The following TMTC2 variants were observed in gnomAD, a reference collection of about 807,000 sequenced individuals.
TMTC2 encodes transmembrane O-mannosyltransferase targeting cadherins 2.
A neutral mutation model predicts 82.4 loss-of-function variants in TMTC2; 43 were observed. The ratio of observed to expected loss-of-function variants is 0.52; its 90% CI spans 0.41 to 0.67. TMTC2 has a LOEUF of 0.67. Among genes scored for constraint, TMTC2 ranks in the 30% least tolerant of loss-of-function variants. TMTC2 has a pLI of 0.00. For missense variants in TMTC2, 919 were observed against 1,012.4 expected (o/e 0.91, Z 1.25); for synonymous variants, 408 against 381.9 (o/e 1.07, Z -0.80).
At chr12:82,911,181 G>A (rs1565805920) in intron 3 of TMTC2, among the ~76,000 whole-genome samples, 2 of 151,934 alleles carry the variant, frequency 1.3e-5, no homozygotes. Flanking sequence ...CGCCCGGCGG[G>A]TCTCGGGTTT....
intron 3 of TMTC2, among the ~76,000 whole-genome samples, chr12:82,923,621 T>A (rs1875520403): frequency 6.6e-6 from 1 of 152,212 alleles, no homozygotes. Flanking sequence ...CACATTTAAC[T>A]TTTTAAGCTA....
At chr12:82,737,130 G>A (rs1022273343) in intron 1 of TMTC2, among the ~76,000 whole-genome samples, 1 of 152,128 alleles carries the variant, frequency 6.6e-6, no homozygotes, top group Non-Finnish European at 1.5e-5. Flanking sequence ...CATTAAATGA[G>A]CAATGCCATG....
chr12:82,834,204 T>C (rs531788422), intron 1 of TMTC2, among the ~76,000 whole-genome samples: 1 of 152,314 alleles, frequency 6.6e-6, no homozygotes, highest in East Asian at 1.9e-4. Flanking sequence ...AGTAATACAA[T>C]TGTTACATGA....
intron 1 of TMTC2, among the ~76,000 whole-genome samples, chr12:82,690,991 G>A (rs190983296): frequency 6.6e-6 from 1 of 152,174 alleles, no homozygotes; most frequent in East Asian, 1.9e-4. Flanking sequence ...CACCATGAGA[G>A]GAGTCAGTTT....
intron 11 of TMTC2, among the ~76,000 whole-genome samples, chr12:83,105,163 G>A (rs796921713): frequency 2.6e-5 from 4 of 152,270 alleles, no homozygotes; most frequent in African/African-American, 9.6e-5. Flanking sequence ...ATTACCATCA[G>A]CACTTTGGTC....
At chr12:82,847,783 G>A (rs952604001) in intron 1 of TMTC2, among the ~76,000 whole-genome samples, 1 of 151,768 alleles carries the variant, frequency 6.6e-6, no homozygotes, top group African/African-American at 2.4e-5. Flanking sequence ...CATTACACAC[G>A]GGGGCCTGTC....
intron 9 of TMTC2, among the ~76,000 whole-genome samples, chr12:83,032,378 G>T (rs1010548814): frequency 1.4e-5 from 2 of 148,102 alleles, no homozygotes; most frequent in East Asian, 3.9e-4. Context: ...TTTAAAAGTT[G>T]GCCCCCTTAT....
At chr12:83,094,779 C>T (rs139022229) in intron 11 of TMTC2, among the ~76,000 whole-genome samples, 7 of 152,182 alleles carry the variant, frequency 4.6e-5, no homozygotes, top group South Asian at 2.1e-4. Context: ...CTAGCTTAGG[C>T]GACTAAGTAG....
At chr12:82,899,617 TAA>T (rs1305687275) in intron 3 of TMTC2, among the ~76,000 whole-genome samples, 1 of 132,020 alleles carries the variant, frequency 7.6e-6, no homozygotes, top group Non-Finnish European at 1.5e-5. Flanking sequence ...TATATATATA[TAA>T]GAATATATAT....
chr12:82,863,697 A>G (rs1459320622), intron 2 of TMTC2, among the ~76,000 whole-genome samples: 1 of 152,182 alleles, frequency 6.6e-6, no homozygotes, highest in Non-Finnish European at 1.5e-5. Flanking sequence ...TAATGCCTGC[A>G]TTACACTGTT....
intron 1 of TMTC2, among the ~76,000 whole-genome samples, chr12:82,700,762 T>A (rs902353690): frequency 6.6e-6 from 1 of 152,208 alleles, no homozygotes; most frequent in Non-Finnish European, 1.5e-5. Context: ...ATATAGTATC[T>A]AGGAGTATGT....
intron 3 of TMTC2, among the ~76,000 whole-genome samples, chr12:82,899,434 A>G (rs1335986746): frequency 6.6e-6 from 1 of 151,562 alleles, no homozygotes; most frequent in African/African-American, 2.4e-5. Flanking sequence ...TTGTAAAAAT[A>G]CATCCAGAGC....
intron 6 of TMTC2, chr12:82,965,948 A>T: frequency 1.7e-6 from 1 of 571,966 alleles, no homozygotes; most frequent in African/African-American, 1.9e-5. Context: ...GCTTCTGCTA[A>T]ATAAAAATTT....
chr12:82,689,522 G>C (rs1872487523), intron 1 of TMTC2, among the ~76,000 whole-genome samples: 1 of 152,190 alleles, frequency 6.6e-6, no homozygotes, highest in African/African-American at 2.4e-5. Flanking sequence ...GTATGCCCTT[G>C]TTCATTGCTG....
At chr12:82,766,104 G>A (rs1280824663) in intron 1 of TMTC2, among the ~76,000 whole-genome samples, 1 of 152,156 alleles carries the variant, frequency 6.6e-6, no homozygotes, top group Non-Finnish European at 1.5e-5. Context: ...GGATCCTAAA[G>A]GCTTGGAAGT....
At chr12:82,907,647 A>G (rs1234385739) in intron 3 of TMTC2, among the ~76,000 whole-genome samples, 3 of 152,146 alleles carry the variant, frequency 2.0e-5, no homozygotes, top group Admixed American at 6.6e-5. Context: ...GACTCTTAAA[A>G]TTACCCACAA....
At chr12:83,086,980 C>G (rs1299135144) in intron 11 of TMTC2, among the ~76,000 whole-genome samples, 1 of 152,170 alleles carries the variant, frequency 6.6e-6, no homozygotes, top group Non-Finnish European at 1.5e-5. Flanking sequence ...CTTCCTTTCA[C>G]AAAAGATTTC....
intron 9 of TMTC2, among the ~76,000 whole-genome samples, chr12:83,040,525 CAGTG>C: frequency 6.6e-6 from 1 of 152,188 alleles, no homozygotes; most frequent in African/African-American, 2.4e-5. Flanking sequence ...TCTAATAACT[CAGTG>C]AGATTGTACA....
chr12:82,692,066 G>T (rs1160860763), intron 1 of TMTC2, among the ~76,000 whole-genome samples: 1 of 152,106 alleles, frequency 6.6e-6, no homozygotes, highest in Non-Finnish European at 1.5e-5. Context: ...ATTAAAATTA[G>T]GTGAAGTCAG....
Sources: allele counts gnomAD v4.1 joint callset (sites outside exome capture counted in the v4.1 genomes callset), GRCh38; gene constraint gnomAD v4.1.1; transcripts MANE v1.5; gene names NCBI Gene and HGNC (gene_info 2026-07-23, HGNC 2026-07-21).